The following CORO2B variants were observed in gnomAD, a reference collection of about 807,000 sequenced individuals.
CORO2B encodes coronin-2B.
CORO2B carries 26 observed loss-of-function variants against 58.8 expected under a neutral mutation model. The observed-to-expected ratio is 0.44, with a 90% CI of 0.32 to 0.61. The LOEUF is 0.61. Ranked by LOEUF, CORO2B falls within the 20% of genes least tolerant of loss-of-function variation. The probability of loss-of-function intolerance (pLI) is 0.04; values close to 1 mark genes in which losing one functional copy is unlikely to be tolerated. For missense variants in CORO2B, 460 were observed against 645.1 expected, an observed-to-expected ratio of 0.71 and a Z score of 3.11; for synonymous variants, 242 against 253.8, an observed-to-expected ratio of 0.95 and a Z score of 0.44.
intron 2 of CORO2B, among the ~76,000 whole-genome samples, chr15:68,646,626 G>A (rs1901438112): frequency 6.6e-6 from 1 of 152,198 alleles, no homozygotes; most frequent in African/African-American, 2.4e-5. Flanking sequence ...TTCTGCCCTT[G>A]CCAGACTTGG....
At chr15:68,667,995 C>T (rs150472530) in intron 2 of CORO2B, among the ~76,000 whole-genome samples, 1 of 152,346 alleles carries the variant, frequency 6.6e-6, no homozygotes, top group East Asian at 1.9e-4. Flanking sequence ...TGACAGTAAT[C>T]ACCCACACCT....
chr15:68,603,337 C>T (rs1016527500), intron 1 of CORO2B, among the ~76,000 whole-genome samples: 33 of 152,106 alleles, frequency 2.2e-4, no homozygotes, highest in African/African-American at 7.7e-4. Context: ...GAAAGTTGGC[C>T]TGTAACCTCC....
chr15:68,699,651 T>G (rs1892594101), intron 3 of CORO2B, among the ~76,000 whole-genome samples: 1 of 152,086 alleles, frequency 6.6e-6, no homozygotes. Flanking sequence ...TGTCCACCCC[T>G]CCCCGCCTTG....
At chr15:68,654,710 A>G (rs1472426389) in intron 2 of CORO2B, among the ~76,000 whole-genome samples, 1 of 152,264 alleles carries the variant, frequency 6.6e-6, no homozygotes, top group Non-Finnish European at 1.5e-5. Context: ...AAAAGCACTT[A>G]GCACGTAGCC....
intron 2 of CORO2B, among the ~76,000 whole-genome samples, chr15:68,685,228 C>T (rs540114115): frequency 3.9e-5 from 6 of 152,250 alleles, no homozygotes; most frequent in Non-Finnish European, 8.8e-5. Context: ...AATTTTGTTT[C>T]GGGAGACAGT....
rs374400326 is a variant in CORO2B at position 68,726,010 on chromosome 15, C to T, written c.*36C>T. 9.8e-5 allele frequency: 157 copies of T among 1,608,756 alleles called. No individual in the cohort carries two copies. Among genetic ancestry groups the T allele is most frequent in the South Asian group, 7.3e-4 (66 of 90,958 alleles). On this transcript the variant is annotated 3_prime_UTR_variant, in exon 12 of 12. Coordinates refer to ENST00000261861, the MANE Select transcript of CORO2B (RefSeq NM_006091.5). ...GGGCTGTTTTCTAAGCCGATCTCTC[C>T]GTCGTTTCTACTCATCCCTTAACTT...
intron 1 of CORO2B, among the ~76,000 whole-genome samples, chr15:68,635,138 C>G (rs902057773): frequency 1.4e-4 from 22 of 152,128 alleles, no homozygotes; most frequent in African/African-American, 5.1e-4. Flanking sequence ...GACCATCCAC[C>G]CTGGCCTCAT....
the CORO2B span, among the ~76,000 whole-genome samples, chr15:68,533,128 A>G: frequency 0.95 from 144,684 of 152,302 alleles, 68,806 homozygotes; most frequent in East Asian, 1. Flanking sequence ...TCCCTGCACC[A>G]CAATCCAGAA....
At chr15:68,562,952 G>C in the CORO2B span, among the ~76,000 whole-genome samples, 1 of 149,796 alleles carries the variant, frequency 6.7e-6, no homozygotes, top group Non-Finnish European at 1.5e-5. Flanking sequence ...ACTCCAGCCT[G>C]GGCGACAGAG....
chr15:68,553,494 G>A, the CORO2B span, among the ~76,000 whole-genome samples: 2 of 152,124 alleles, frequency 1.3e-5, no homozygotes, highest in Non-Finnish European at 2.9e-5. Context: ...ATTCTCCCCC[G>A]AACCACCCAG....
chr15:68,620,977 T>C (rs907373387), intron 1 of CORO2B, among the ~76,000 whole-genome samples: 5 of 152,242 alleles, frequency 3.3e-5, no homozygotes, highest in Non-Finnish European at 7.3e-5. Context: ...GCCTATTATA[T>C]GCTGCTCCGC....
chr15:68,612,805 C>G (rs1392172207), intron 1 of CORO2B, among the ~76,000 whole-genome samples: 1 of 152,214 alleles, frequency 6.6e-6, no homozygotes, highest in African/African-American at 2.4e-5. Flanking sequence ...ACCAGCTCTG[C>G]AAATCTGTAG....
At chr15:68,633,132 G>A (rs1158968926) in intron 1 of CORO2B, among the ~76,000 whole-genome samples, 2 of 152,084 alleles carry the variant, frequency 1.3e-5, no homozygotes, top group Non-Finnish European at 2.9e-5. Flanking sequence ...CATTGAGTGT[G>A]GGTCACTTCT....
intron 8 of CORO2B, among the ~76,000 whole-genome samples, chr15:68,716,502 G>A (rs1173823286): frequency 6.6e-6 from 1 of 152,158 alleles, no homozygotes; most frequent in Non-Finnish European, 1.5e-5. Context: ...AACAGAACAT[G>A]GCCTTACTCT....
chr15:68,606,696 G>C (rs1217213597), intron 1 of CORO2B, among the ~76,000 whole-genome samples: 1 of 152,164 alleles, frequency 6.6e-6, no homozygotes, highest in Non-Finnish European at 1.5e-5. Flanking sequence ...TGGGTAGAGT[G>C]GGGGCAGAGT....
At position 68,635,946 on chromosome 15, in the gene CORO2B, C is replaced by T. The variant is rs1031055837; in HGVS notation, c.16-9214C>T. On this transcript the variant is annotated intron_variant, in intron 1 of 11. Coordinates refer to ENST00000261861, the MANE Select transcript of CORO2B (RefSeq NM_006091.5). Reference sequence around the variant, plus strand: ...TGGAAAAATAAGGAGGAATGAGGTGCAGTCCCTGCCCTCAACAGCAGCCAG... The same window carrying T: ...TGGAAAAATAAGGAGGAATGAGGTGTAGTCCCTGCCCTCAACAGCAGCCAG... Among the ~76,000 whole-genome samples the T allele has an allele frequency of 3.9e-5, 6 of 152,162 alleles. No individual in the cohort carries two copies. The South Asian group carries it at 1.2e-3, about 32-fold the overall frequency.
chr15:68,602,447 A>C (rs1900009230), intron 1 of CORO2B, among the ~76,000 whole-genome samples: 2 of 150,652 alleles, frequency 1.3e-5, no homozygotes, highest in African/African-American at 5.0e-5. Flanking sequence ...ACACACACAC[A>C]CACGTTTTAC....
upstream of CORO2B, among the ~76,000 whole-genome samples, chr15:68,575,422 C>T (rs1310809157): frequency 1.1e-5 from 1 of 87,598 alleles, no homozygotes; most frequent in African/African-American, 4.0e-5. Flanking sequence ...ACTGCAACCT[C>T]CGCCTCCCAA....
chr15:68,670,077 A>T (rs975266286), intron 2 of CORO2B, among the ~76,000 whole-genome samples: 1 of 124,384 alleles, frequency 8.0e-6, no homozygotes, highest in Non-Finnish European at 1.7e-5. Context: ...AAGGGGGGGA[A>T]AAATAAAGAA....
Sources: gnomAD v4.1 joint callset for allele counts (sites outside exome capture counted in the v4.1 genomes callset) on GRCh38, gnomAD v4.1.1 for gene constraint, MANE v1.5 for transcripts, NCBI Gene and HGNC (gene_info 2026-07-23, HGNC 2026-07-21) for gene names.